The following PDE10A variants were observed in gnomAD, a reference collection of about 807,000 sequenced individuals.
The protein encoded by PDE10A is cAMP and cAMP-inhibited cGMP 3',5'-cyclic phosphodiesterase 10A.
In PDE10A, 39 loss-of-function variants were observed where a neutral mutation model predicts 97.7. The observed-to-expected ratio is 0.40, with a 90% CI of 0.31 to 0.52. The LOEUF is 0.52. PDE10A is among the 20% of genes least tolerant of loss of function. The pLI, the probability that PDE10A is intolerant of heterozygous loss-of-function variation, is 0.56. For synonymous variants in PDE10A, 371 were observed against 376.8 expected, an observed-to-expected ratio of 0.98 and a Z score of 0.18; for missense variants, 731 against 1,047.8, an observed-to-expected ratio of 0.70 and a Z score of 4.17.
intron 18 of PDE10A, among the ~76,000 whole-genome samples, chr6:165,351,535 T>C (rs1338867992): frequency 6.6e-6 from 1 of 152,224 alleles, no homozygotes; most frequent in Admixed American, 6.5e-5. Flanking sequence ...TTTTGGATTA[T>C]TTGTTTACTT....
chr6:165,444,620 C>T (rs1790707232), intron 5 of PDE10A, among the ~76,000 whole-genome samples: 2 of 151,718 alleles, frequency 1.3e-5, no homozygotes, highest in African/African-American at 2.4e-5. Context: ...TTGTTATAAT[C>T]ACATAATGAT....
intron 1 of PDE10A, among the ~76,000 whole-genome samples, chr6:165,733,024 C>T (rs907806253): frequency 2.0e-5 from 3 of 152,220 alleles, no homozygotes; most frequent in Non-Finnish European, 4.4e-5. Flanking sequence ...ATAACTACCA[C>T]CTGCCCCGAA....
intron 21 of PDE10A, 142 bp from the exon 22 acceptor site, chr6:165,333,269 G>A (rs963474079): frequency 1.1e-5 from 7 of 629,344 alleles, no homozygotes; most frequent in Admixed American, 2.5e-5. Context: ...CCAGCACGAC[G>A]TGGCCAGGCA....
At chr6:165,768,074 T>C (rs1050993190) in intron 1 of PDE10A, among the ~76,000 whole-genome samples, 2 of 152,242 alleles carry the variant, frequency 1.3e-5, no homozygotes, top group African/African-American at 4.8e-5. Context: ...TGGCCATTTG[T>C]ACGTCTTCTT....
At chr6:165,547,600 C>T (rs1023451668) in intron 1 of PDE10A, among the ~76,000 whole-genome samples, 1 of 152,104 alleles carries the variant, frequency 6.6e-6, no homozygotes, top group Non-Finnish European at 1.5e-5. Context: ...ATTCAGCCAG[C>T]AATCTGAGGG....
chr6:165,397,643 A>C (rs1373843711), intron 13 of PDE10A, among the ~76,000 whole-genome samples: 1 of 148,578 alleles, frequency 6.7e-6, no homozygotes, highest in Non-Finnish European at 1.5e-5. Flanking sequence ...TAGTGATTGC[A>C]GTGAGCCAAG....
intron 18 of PDE10A, among the ~76,000 whole-genome samples, chr6:165,349,187 C>T (rs1782522584): frequency 6.6e-6 from 1 of 152,082 alleles, no homozygotes; most frequent in African/African-American, 2.4e-5. Flanking sequence ...TTTGGAATTT[C>T]CTAGAGACTT....
chr6:165,717,150 T>C (rs1792044584), intron 1 of PDE10A, among the ~76,000 whole-genome samples: 1 of 152,230 alleles, frequency 6.6e-6, no homozygotes, highest in African/African-American at 2.4e-5. Flanking sequence ...GATTCATCCA[T>C]GTTGTAGCCT....
At chr6:165,512,126 G>C (rs1408413436) in intron 2 of PDE10A, among the ~76,000 whole-genome samples, 1 of 151,718 alleles carries the variant, frequency 6.6e-6, no homozygotes, top group Non-Finnish European at 1.5e-5. Flanking sequence ...TGTCATTGTG[G>C]TTTGGTGGTT....
chr6:165,804,930 T>G (rs1779085453), intron 1 of PDE10A, among the ~76,000 whole-genome samples: 3 of 129,106 alleles, frequency 2.3e-5, no homozygotes, highest in South Asian at 2.6e-4. Flanking sequence ...GAGGGGAGCA[T>G]GGAGGGACGT....
rs1401989874 is a variant in PDE10A, at chr6:165,388,128, T to C, written c.2610+170A>G. Among the ~76,000 whole-genome samples, 2 of 152,228 alleles carry C rather than the reference T, an allele frequency of 1.3e-5. No homozygotes were observed. Among genetic ancestry groups the C allele is most frequent in the South Asian group, 2.1e-4 (1 of 4,826 alleles). On this transcript the variant is annotated intron_variant, in intron 17 of 21. Coordinates refer to ENST00000539869, the MANE Select transcript of PDE10A (RefSeq NM_001385079.1). The surrounding 1 kb of genome is among the most constrained non-coding windows in gnomAD (Gnocchi z 4.0). The stretch of plus-strand genomic sequence containing the variant: ...TTCAAATTATTTGTAAAGGATTCTT[T>C]ATGCAAAAAACACTATTATTTAATG...
chr6:165,569,048 A>T (rs190399123), intron 1 of PDE10A, among the ~76,000 whole-genome samples: 84 of 152,358 alleles, frequency 5.5e-4, no homozygotes, highest in Admixed American at 1.2e-3. Flanking sequence ...CAACAGTACA[A>T]ATGTAAGAAT....
At chr6:165,387,144 C>T (rs775663181) in intron 17 of PDE10A, among the ~76,000 whole-genome samples, 8 of 152,166 alleles carry the variant, frequency 5.3e-5, no homozygotes, top group African/African-American at 1.9e-4. Context: ...GTTGCTTTCA[C>T]GACCAAACTG....
intron 1 of PDE10A, among the ~76,000 whole-genome samples, chr6:165,668,410 G>C (rs1461121353): frequency 6.6e-6 from 1 of 152,198 alleles, no homozygotes; most frequent in Non-Finnish European, 1.5e-5. Flanking sequence ...ACTATGTGAT[G>C]TTTAAAATGT....
chr6:165,736,674 A>T (rs1200297348), intron 1 of PDE10A, among the ~76,000 whole-genome samples: 1 of 152,242 alleles, frequency 6.6e-6, no homozygotes, highest in Admixed American at 6.5e-5. Flanking sequence ...GAGGGAAGTT[A>T]CCATGATAAA....
intron 1 of PDE10A, among the ~76,000 whole-genome samples, chr6:165,797,652 C>G (rs983944829): frequency 1.3e-5 from 2 of 152,072 alleles, no homozygotes; most frequent in African/African-American, 4.8e-5. Flanking sequence ...TGATGGCAAG[C>G]AAATTTTTAA....
intron 1 of PDE10A, among the ~76,000 whole-genome samples, chr6:165,862,668 C>A (rs1195252062): frequency 8.4e-6 from 1 of 119,052 alleles, no homozygotes. Flanking sequence ...TCAACAGAAG[C>A]AGTCGTCCTT....
At chr6:165,380,106 A>C (rs779600391) in intron 17 of PDE10A, among the ~76,000 whole-genome samples, 14 of 152,160 alleles carry the variant, frequency 9.2e-5, no homozygotes, top group Non-Finnish European at 1.6e-4. Context: ...AAACTTTATA[A>C]TAATTTATTC....
chr6:165,545,287 AG>A, intron 1 of PDE10A: 2 of 470,660 alleles, frequency 4.2e-6, no homozygotes, highest in Non-Finnish European at 8.3e-6. Flanking sequence ...TTTAATCTCC[AG>A]TCTAGCTACT....
Sources: allele counts gnomAD v4.1 joint callset (sites outside exome capture counted in the v4.1 genomes callset), GRCh38; gene constraint gnomAD v4.1.1; non-coding constraint Gnocchi (gnomAD v3.1); transcripts MANE v1.5; gene names NCBI Gene and HGNC (gene_info 2026-07-23, HGNC 2026-07-21).